RBFOX1: variants seen among roughly 807,000 people sequenced by gnomAD.
RBFOX1 encodes the protein RNA binding fox-1 homolog 1, also known as RNA binding protein fox-1 homolog 1.
Under a neutral mutation model 57.7 loss-of-function variants are expected in RBFOX1, and 8 were observed. The ratio of observed to expected loss-of-function variants is 0.14; its 90% CI spans 0.08 to 0.25. RBFOX1 has a LOEUF of 0.25. Among genes scored for constraint, RBFOX1 ranks in the 10% least tolerant of loss-of-function variants. The pLI is 1.00. For missense variants in RBFOX1, 611 were observed against 548.5 expected (o/e 1.11, Z -1.14); for synonymous variants, 326 against 222.4 (o/e 1.47, Z -4.15).
intron 3 of RBFOX1, among the ~76,000 whole-genome samples, chr16:6,771,682 A>G (rs73528869): frequency 0.014 from 2,072 of 152,304 alleles, 52 homozygotes; most frequent in African/African-American, 0.047. Flanking sequence ...TTTGATTGTC[A>G]TAATTAGTGG....
chr16:7,100,739 AG>A (rs2062547518), intron 4 of RBFOX1, among the ~76,000 whole-genome samples: 5 of 152,088 alleles, frequency 3.3e-5, no homozygotes, highest in African/African-American at 1.2e-4. Context: ...GAGGACTCAG[AG>A]GGGGAAAAAA....
intron 4 of RBFOX1, among the ~76,000 whole-genome samples, chr16:7,204,341 C>G (rs1009385082): frequency 1.3e-5 from 2 of 152,124 alleles, no homozygotes; most frequent in African/African-American, 2.4e-5. Flanking sequence ...TATTAGCATT[C>G]CCATATTTAT....
intron 2 of RBFOX1, among the ~76,000 whole-genome samples, chr16:5,529,531 G>A (rs1346195970): frequency 6.6e-6 from 1 of 151,408 alleles, no homozygotes; most frequent in Non-Finnish European, 1.5e-5. Context: ...CATGTAGCTG[G>A]GACTACAGGC....
intron 4 of RBFOX1, among the ~76,000 whole-genome samples, chr16:7,516,808 G>C (rs879776959): frequency 2.1e-4 from 32 of 151,904 alleles, no homozygotes; most frequent in Non-Finnish European, 4.0e-4. Flanking sequence ...AAATGCACCA[G>C]CTCCGTGTGC....
chr16:5,804,530 A>C (rs965878089), intron 3 of RBFOX1, among the ~76,000 whole-genome samples: 27 of 152,246 alleles, frequency 1.8e-4, no homozygotes, highest in African/African-American at 6.3e-4. Context: ...GGACAAATGA[A>C]ACGTTGAGTG....
intron 2 of RBFOX1, among the ~76,000 whole-genome samples, chr16:5,547,742 G>C (rs969908837): frequency 2.6e-5 from 4 of 152,134 alleles, no homozygotes; most frequent in African/African-American, 9.7e-5. Flanking sequence ...CATGTCCTGT[G>C]CAGCAATATG....
intron 4 of RBFOX1, among the ~76,000 whole-genome samples, chr16:5,899,144 CAAAAA>C (rs35163906): frequency 1.0e-5 from 1 of 100,074 alleles, no homozygotes. Context: ...GACCCTGTCT[CAAAAA>C]AAAAAAAAAA....
At chr16:5,908,998 T>C (rs1345271247) in intron 4 of RBFOX1, among the ~76,000 whole-genome samples, 1 of 151,744 alleles carries the variant, frequency 6.6e-6, no homozygotes, top group Non-Finnish European at 1.5e-5. Flanking sequence ...TGGGCTTCCA[T>C]CCTCCAGAAC....
At chr16:6,943,708 T>TAA (rs35455385) in intron 3 of RBFOX1, among the ~76,000 whole-genome samples, 2,233 of 133,978 alleles carry the variant, frequency 0.017, 60 homozygotes, top group African/African-American at 0.059. Flanking sequence ...ACTCTGTCTT[T>TAA]AAAAAAAAAA....
intron 13 of RBFOX1, among the ~76,000 whole-genome samples, chr16:7,673,353 T>TTTG (rs2072206681): frequency 6.6e-6 from 1 of 152,102 alleles, no homozygotes; most frequent in South Asian, 2.1e-4. Flanking sequence ...GCCAAACCAG[T>TTTG]TTGGTTGTGG....
intron 4 of RBFOX1, among the ~76,000 whole-genome samples, chr16:5,927,124 C>T (rs148830604): frequency 6.6e-6 from 1 of 152,114 alleles, no homozygotes; most frequent in East Asian, 1.9e-4. Context: ...TCCATTTTGA[C>T]TGACATTTAT....
chr16:6,128,247 T>G (rs1158608923), intron 1 of RBFOX1, among the ~76,000 whole-genome samples: 1 of 152,236 alleles, frequency 6.6e-6, no homozygotes, highest in Admixed American at 6.5e-5. Context: ...CATTTATTTG[T>G]TTTCACTTTT....
intron 2 of RBFOX1, among the ~76,000 whole-genome samples, chr16:5,557,091 C>G (rs1179212684): frequency 6.6e-6 from 1 of 151,704 alleles, no homozygotes; most frequent in Admixed American, 6.6e-5. Flanking sequence ...AACCCCATCT[C>G]TACCAAGAAT....
chr16:6,274,799 A>T (rs973385299), intron 1 of RBFOX1, among the ~76,000 whole-genome samples: 1 of 152,216 alleles, frequency 6.6e-6, no homozygotes, highest in Admixed American at 6.5e-5. Context: ...GATGTTAATA[A>T]AACTAAGTGC....
At chr16:5,976,107 T>G (rs1326513066) in intron 4 of RBFOX1, among the ~76,000 whole-genome samples, 1 of 152,054 alleles carries the variant, frequency 6.6e-6, no homozygotes, top group East Asian at 1.9e-4. Context: ...CTCTCTAGAC[T>G]GCACTCTAGA....
chr16:7,103,769 C>T (rs184913165), intron 4 of RBFOX1, among the ~76,000 whole-genome samples: 3 of 152,204 alleles, frequency 2.0e-5, no homozygotes, highest in Admixed American at 2.0e-4. Flanking sequence ...TACAGAAAAA[C>T]CTCTAAGGTA....
At position 7,327,825 on chromosome 16, in the gene RBFOX1, A is replaced by G. The variant is rs532267026; in HGVS notation, c.28-190322A>G. The stretch of plus-strand genomic sequence containing the variant: ...TAAACAATATTACCTTTTTTTTTTT[A>G]CACTGTGCAGACAAATCATTATCAT... On this transcript the variant is annotated intron_variant, in intron 4 of 15. Coordinates refer to ENST00000550418, the MANE Select transcript of RBFOX1 (RefSeq NM_018723.4). Among the ~76,000 whole-genome samples the G allele has an allele frequency of 9.4e-4, 136 of 144,402 alleles. 1 individual carries two copies. The highest frequency in any genetic ancestry group is 2.9e-3 in the African/African-American group (109 of 37,300). 94.7% of individuals were successfully genotyped at this position (144,402 alleles called of 152,430 possible). A position where few individuals can be genotyped will look rare whatever the true frequency, so the allele number is the denominator to read the frequency against.
chr16:6,565,145 G>T (rs925054082), intron 2 of RBFOX1, among the ~76,000 whole-genome samples: 10 of 138,760 alleles, frequency 7.2e-5, no homozygotes, highest in Admixed American at 2.2e-4. Flanking sequence ...AAAAAAAAAA[G>T]CATTTGCAAC....
chr16:6,603,168 T>G (rs2097877020), intron 2 of RBFOX1, among the ~76,000 whole-genome samples: 1 of 152,200 alleles, frequency 6.6e-6, no homozygotes, highest in African/African-American at 2.4e-5. Context: ...CAGAAAGATC[T>G]GAATGGCAGC....
Sources: gnomAD v4.1 joint callset for allele counts (sites outside exome capture counted in the v4.1 genomes callset) on GRCh38, gnomAD v4.1.1 for gene constraint, MANE v1.5 for transcripts, NCBI Gene and HGNC (gene_info 2026-07-23, HGNC 2026-07-21) for gene names.